The following STAU2 variants were observed in gnomAD, a reference collection of about 807,000 sequenced individuals.
STAU2 encodes the protein double-stranded RNA-binding protein Staufen homolog 2.
In STAU2, 20 loss-of-function variants were observed where a neutral mutation model predicts 65.9. The ratio of observed to expected loss-of-function variants is 0.30; its 90% confidence interval spans 0.21 to 0.44. The LOEUF (loss-of-function observed/expected upper bound fraction) is 0.44. STAU2 is among the 20% of genes least tolerant of loss of function. STAU2 has a pLI of 1.00. For missense variants in STAU2, 558 were observed against 683.9 expected, an observed-to-expected ratio of 0.82 and a Z score of 2.05; for synonymous variants, 232 against 233.9, an observed-to-expected ratio of 0.99 and a Z score of 0.07.
chr8:73,735,268 A>G (rs1374234398), intron 3 of STAU2, among the ~76,000 whole-genome samples: 4 of 152,156 alleles, frequency 2.6e-5, no homozygotes, highest in African/African-American at 9.7e-5. Context: ...CACTGTTATG[A>G]GAAAGTGGTT....
intron 5 of STAU2, among the ~76,000 whole-genome samples, chr8:73,680,998 G>C (rs1818392572): frequency 6.6e-6 from 1 of 151,860 alleles, no homozygotes; most frequent in African/African-American, 2.4e-5. Context: ...AAGAATAAGT[G>C]GTGTTCCTGA....
chr8:73,431,064 G>C (rs17217855), intron 13 of STAU2, among the ~76,000 whole-genome samples: 49,689 of 152,010 alleles, frequency 0.33, 9,056 homozygotes, highest in Non-Finnish European at 0.41. Flanking sequence ...TGGGAAGAAG[G>C]CAAATCTGGG....
chr8:73,700,526 G>C (rs920036872), intron 4 of STAU2, among the ~76,000 whole-genome samples: 15 of 152,024 alleles, frequency 9.9e-5, no homozygotes, highest in African/African-American at 3.4e-4. Context: ...TATGCCAACA[G>C]TAAACAATCT....
At chr8:73,659,327 C>T (rs575986829) in intron 6 of STAU2, among the ~76,000 whole-genome samples, 182 of 152,206 alleles carry the variant, frequency 1.2e-3, no homozygotes, top group Middle Eastern at 3.4e-3. Context: ...CACCTGAGGT[C>T]GGGAGTTCGA....
intron 5 of STAU2, 139 bp downstream of exon 5, chr8:73,688,515 T>C (rs1159358061): frequency 5.4e-6 from 4 of 741,676 alleles, no homozygotes; most frequent in East Asian, 2.7e-5. Flanking sequence ...TGTGTGTGTG[T>C]GTGTGTGTGT....
rs143035586 is a variant in STAU2, at chr8:73,742,109, G to A, written c.-196-2241C>T. On this transcript the variant is annotated intron_variant, in intron 1 of 14. Coordinates refer to ENST00000524300, the MANE Select transcript of STAU2 (RefSeq NM_001164380.2). The stretch of plus-strand genomic sequence containing the variant: ...CAATTCAGAATGTTCACAGTGGCAC[G>A]TCTTTAAGACTCTGTTTCTACTTTA... 7.5e-5 allele frequency: 48 copies of A among 642,950 alleles called. 1 individual carries two copies. In the East Asian group the frequency reaches 4.5e-3, roughly 61 times the overall value. 39.8% of individuals were successfully genotyped at this position (642,950 alleles called of 1,614,324 possible).
At chr8:73,742,651 C>A (rs527749377) in intron 1 of STAU2, among the ~76,000 whole-genome samples, 3 of 151,572 alleles carry the variant, frequency 2.0e-5, no homozygotes, top group Non-Finnish European at 4.4e-5. Context: ...CCAAAAATGC[C>A]CTATCTGGTC....
intron 4 of STAU2, among the ~76,000 whole-genome samples, chr8:73,701,359 A>G (rs1175550056): frequency 6.6e-6 from 1 of 152,200 alleles, no homozygotes; most frequent in Non-Finnish European, 1.5e-5. Context: ...TGGGAGAGAA[A>G]TATGTGCAAA....
chr8:73,608,175 T>TG (rs1431208812), intron 9 of STAU2, among the ~76,000 whole-genome samples: 1 of 152,226 alleles, frequency 6.6e-6, no homozygotes, highest in Non-Finnish European at 1.5e-5. Context: ...AAGATCATAC[T>TG]TTTTAAACGA....
chr8:73,747,365 T>G, upstream of STAU2: 2 of 1,535,326 alleles, frequency 1.3e-6, no homozygotes, highest in Non-Finnish European at 1.7e-6. Context: ...CCGCACCCTG[T>G]GCTCTGATTC....
intron 3 of STAU2, among the ~76,000 whole-genome samples, chr8:73,736,623 GA>G (rs762158803): frequency 2.6e-5 from 4 of 152,164 alleles, no homozygotes; most frequent in Non-Finnish European, 5.9e-5. Context: ...TCTAGGAACT[GA>G]AACGGTCCAG....
intron 6 of STAU2, among the ~76,000 whole-genome samples, chr8:73,652,102 T>C (rs1421320889): frequency 2.6e-5 from 4 of 152,102 alleles, no homozygotes; most frequent in African/African-American, 9.7e-5. Context: ...TTGGAAAAAC[T>C]GGTTTTCCAG....
chr8:73,599,241 T>C (rs955336356), intron 10 of STAU2, among the ~76,000 whole-genome samples: 3 of 152,320 alleles, frequency 2.0e-5, no homozygotes, highest in African/African-American at 7.2e-5. Flanking sequence ...TCTAGACTTA[T>C]TATGAAGTTA....
intron 2 of STAU2, among the ~76,000 whole-genome samples, 166 bp downstream of exon 2, chr8:73,739,590 T>C (rs999622867): frequency 4.6e-5 from 7 of 152,246 alleles, no homozygotes; most frequent in African/African-American, 1.7e-4. Flanking sequence ...CAAAATGACT[T>C]TGAAAACTTT....
intron 13 of STAU2, among the ~76,000 whole-genome samples, chr8:73,511,939 T>C (rs1822429743): frequency 6.6e-6 from 1 of 152,234 alleles, no homozygotes; most frequent in African/African-American, 2.4e-5. Flanking sequence ...GCATATGGTA[T>C]GAGGTAAGGC....
intron 6 of STAU2, among the ~76,000 whole-genome samples, chr8:73,632,263 TA>T (rs567857428): frequency 4.9e-3 from 702 of 142,468 alleles, no homozygotes; most frequent in African/African-American, 4.9e-3. Flanking sequence ...TTCAGTACAT[TA>T]AAAAAAAAAA....
chr8:73,465,681 T>A (rs2128902516), intron 13 of STAU2, among the ~76,000 whole-genome samples: 1 of 152,342 alleles, frequency 6.6e-6, no homozygotes, highest in Non-Finnish European at 1.5e-5. Flanking sequence ...TTGGTTGGAA[T>A]CCTTTTAACT....
chr8:73,715,371 G>C (rs572437855), intron 3 of STAU2, among the ~76,000 whole-genome samples: 2 of 150,234 alleles, frequency 1.3e-5, no homozygotes, highest in African/African-American at 4.9e-5. Flanking sequence ...CACCAGAATC[G>C]CTTGAACCTG....
chr8:73,620,041 G>A (rs1166011003), intron 6 of STAU2, among the ~76,000 whole-genome samples: 1 of 152,060 alleles, frequency 6.6e-6, no homozygotes, highest in African/African-American at 2.4e-5. Context: ...TAAATATTGT[G>A]TACTGAAGTG....
Sources: gnomAD v4.1 joint callset for allele counts (sites outside exome capture counted in the v4.1 genomes callset) on GRCh38, gnomAD v4.1.1 for gene constraint, MANE v1.5 for transcripts, NCBI Gene and HGNC (gene_info 2026-07-23, HGNC 2026-07-21) for gene names.